The following SDCCAG8 variants were observed in gnomAD, a reference collection of about 807,000 sequenced individuals.
The protein encoded by SDCCAG8 is SHH signaling and ciliogenesis regulator SDCCAG8.
SDCCAG8 carries 74 observed loss-of-function variants against 101.8 expected under a neutral mutation model. The ratio of observed to expected loss-of-function variants is 0.73; its 90% CI spans 0.60 to 0.88. The LOEUF (loss-of-function observed/expected upper bound fraction) is 0.88. SDCCAG8 is among the 40% of genes least tolerant of loss of function. The pLI is 0.00. For synonymous variants in SDCCAG8, 281 were observed against 292.9 expected, an observed-to-expected ratio of 0.96 and a Z score of 0.41; for missense variants, 787 against 822.6, an observed-to-expected ratio of 0.96 and a Z score of 0.53.
intron 12 of SDCCAG8, among the ~76,000 whole-genome samples, chr1:243,351,952 T>C (rs993284693): frequency 3.9e-5 from 6 of 152,210 alleles, no homozygotes; most frequent in East Asian, 1.9e-4. Flanking sequence ...TTGGAGATCA[T>C]TGGGGCATTT....
chr1:243,439,622 TCACACACACACA>T (rs60044857), intron 16 of SDCCAG8, among the ~76,000 whole-genome samples: 86 of 120,198 alleles, frequency 7.2e-4, no homozygotes, highest in African/African-American at 2.0e-3. Context: ...TGAGACTCCA[TCACACACACACA>T]CACACACACA....
chr1:243,420,556 C>G (rs550292985), intron 15 of SDCCAG8, among the ~76,000 whole-genome samples: 3 of 152,110 alleles, frequency 2.0e-5, no homozygotes, highest in Non-Finnish European at 4.4e-5. Flanking sequence ...TATTTTGTAA[C>G]TCTGATGAAT....
intron 16 of SDCCAG8, among the ~76,000 whole-genome samples, chr1:243,452,414 C>CTTTT (rs71574667): frequency 9.0e-5 from 6 of 66,652 alleles, no homozygotes; most frequent in Admixed American, 4.6e-4. Flanking sequence ...GATCTCATCT[C>CTTTT]TTTTTTTTTT....
chr1:243,258,298 G>C (rs1382647866), intron 1 of SDCCAG8, among the ~76,000 whole-genome samples: 4 of 152,066 alleles, frequency 2.6e-5, no homozygotes, highest in African/African-American at 9.7e-5. Context: ...TTTTATTTTT[G>C]TATGTTAGCT....
At chr1:243,259,543 G>A (rs879345671) in intron 1 of SDCCAG8, among the ~76,000 whole-genome samples, 9 of 151,576 alleles carry the variant, frequency 5.9e-5, no homozygotes, top group Non-Finnish European at 1.2e-4. Context: ...AATGAGGTTG[G>A]GCGCGGTGGC....
intron 6 of SDCCAG8, among the ~76,000 whole-genome samples, chr1:243,297,007 G>T (rs1234069899): frequency 6.6e-6 from 1 of 152,054 alleles, no homozygotes. Flanking sequence ...AAAATTTACA[G>T]CTCAAAGATT....
intron 12 of SDCCAG8, among the ~76,000 whole-genome samples, chr1:243,344,565 T>A (rs2075588867): frequency 6.6e-6 from 1 of 152,210 alleles, no homozygotes; most frequent in African/African-American, 2.4e-5. Context: ...AGGTCATAAA[T>A]ATACATTTGG....
At chr1:243,312,403 C>A (rs2072817770) in intron 8 of SDCCAG8, among the ~76,000 whole-genome samples, 1 of 152,108 alleles carries the variant, frequency 6.6e-6, no homozygotes, top group South Asian at 2.1e-4. Context: ...AATATATATT[C>A]ATGAAACAAG....
chr1:243,270,399 T>C lies in SDCCAG8; in HGVS notation c.220+142T>C, dbSNP rs2067990842. On this transcript the variant is annotated intron_variant, in intron 2 of 17. Coordinates refer to ENST00000366541, the MANE Select transcript of SDCCAG8 (RefSeq NM_006642.5). Reference sequence around the variant, plus strand: ...AATCAGATAATTTAATTCCCTCGCTTAATCTTGTTTTCCTTTGACTTCCCA... The same window carrying C: ...AATCAGATAATTTAATTCCCTCGCTCAATCTTGTTTTCCTTTGACTTCCCA... 12 of 949,712 alleles carry C rather than the reference T, an allele frequency of 1.3e-5. No individual in the cohort carries two copies. The South Asian group carries it at 1.7e-4, about 13-fold the overall frequency. 58.8% of individuals were successfully genotyped at this position (949,712 alleles called of 1,614,324 possible).
Position 243,265,065 on chromosome 1 carries a change from G to A in SDCCAG8, c.68-5040G>A, listed in dbSNP as rs143238608. On this transcript the variant is annotated intron_variant, in intron 1 of 17. Transcript: ENST00000366541. The stretch of plus-strand genomic sequence containing the variant: ...GTAGTGCTCTTAATAAGGATTATGG[G>A]GGCTTCAGTTGCAATGGCTCCAGTT... Among the ~76,000 whole-genome samples, 557 of 152,250 alleles carry A rather than the reference G, an allele frequency of 3.7e-3. 1 individual carries two copies. The highest frequency in any genetic ancestry group is 0.013 in the African/African-American group (528 of 41,536).
chr1:243,307,235 A>G (rs1013041710), intron 7 of SDCCAG8: 1 of 224,614 alleles, frequency 4.5e-6, no homozygotes, highest in Non-Finnish European at 7.4e-6. Flanking sequence ...GAGCTGATAA[A>G]GTAAAAACAA....
chr1:243,478,956 C>CAAA (rs148382740), intron 16 of SDCCAG8, among the ~76,000 whole-genome samples: 252 of 94,630 alleles, frequency 2.7e-3, no homozygotes, highest in East Asian at 0.012. Flanking sequence ...GACTCTGTCT[C>CAAA]AAAAAAAAAA....
chr1:243,432,836 A>T (rs972318813), intron 16 of SDCCAG8, among the ~76,000 whole-genome samples: 1 of 152,194 alleles, frequency 6.6e-6, no homozygotes, highest in African/African-American at 2.4e-5. Context: ...GTTCAAACTT[A>T]TGCTTATTTT....
rs181680331 is a variant in SDCCAG8 at position 243,476,214 on chromosome 1, T to A, written c.1986-12800T>A. The A allele has an allele frequency of 8.2e-5, 81 of 985,514 alleles. No individual in the cohort carries two copies. The East Asian group carries it at 6.0e-3, about 73-fold the overall frequency. The allele number at this position is 985,514 out of a possible 1,614,324, so 61.0% of individuals were successfully genotyped here. The stretch of plus-strand genomic sequence containing the variant: ...TACCGTGGCAACCAGCAGATGGGGT[T>A]CTTTGACAAGGGTCAGCGGGGAGGC... On this transcript the variant is annotated intron_variant, in intron 16 of 17. Coordinates refer to ENST00000366541, the MANE Select transcript of SDCCAG8 (RefSeq NM_006642.5).
chr1:243,423,043 C>A (rs537619289), intron 15 of SDCCAG8, among the ~76,000 whole-genome samples: 1 of 151,906 alleles, frequency 6.6e-6, no homozygotes, highest in South Asian at 2.1e-4. Context: ...AGGAACATAT[C>A]GTGAGCTGCA....
intron 16 of SDCCAG8, among the ~76,000 whole-genome samples, chr1:243,477,785 A>T (rs1173829246): frequency 6.6e-6 from 1 of 152,180 alleles, no homozygotes; most frequent in Non-Finnish European, 1.5e-5. Context: ...GCTTCCCAAC[A>T]TGGTCTTCCA....
At chr1:243,452,357 A>C (rs576028415) in intron 16 of SDCCAG8, among the ~76,000 whole-genome samples, 1 of 146,172 alleles carries the variant, frequency 6.8e-6, no homozygotes, top group Admixed American at 6.9e-5. Flanking sequence ...AGACTCCTCT[A>C]TCTCTTTCTC....
At position 243,341,098 on chromosome 1, in the gene SDCCAG8, G is replaced by A; in HGVS notation, c.1281G>A (p.Lys427=). ...QLEAQVEKVT[K]EKISAINQLE... The stretch of plus-strand genomic sequence containing the variant: ...AGGCCCAGGTGGAAAAGGTTACAAA[G>A]GAAAAGATTTCAGCTATTAATCAAC... The change falls in exon 11 of 18, where the codon AAG becomes AAA. Residue 427 remains lysine, a synonymous_variant. Transcript: ENST00000366541. The A allele has an allele frequency of 1.2e-6, 2 of 1,614,022 alleles. No individual in the cohort carries two copies. The highest frequency in any genetic ancestry group is 1.7e-6 in the Non-Finnish European group (2 of 1,179,904).
intron 12 of SDCCAG8, among the ~76,000 whole-genome samples, chr1:243,351,839 AATC>A (rs1277813676): frequency 6.6e-6 from 1 of 152,224 alleles, no homozygotes; most frequent in African/African-American, 2.4e-5. Context: ...CTTCATCTAA[AATC>A]ATCATGTTGG....
Sources: gnomAD v4.1 joint callset for allele counts (sites outside exome capture counted in the v4.1 genomes callset) on GRCh38, gnomAD v4.1.1 for gene constraint, MANE v1.5 for transcripts, NCBI Gene and HGNC (gene_info 2026-07-23, HGNC 2026-07-21) for gene names.